DNAAF4: variants seen among roughly 807,000 people sequenced by gnomAD.
DNAAF4 encodes dynein axonemal assembly factor 4.
A neutral mutation model predicts 51.8 loss-of-function variants in DNAAF4; 43 were observed. The observed-to-expected ratio is 0.83, with a 90% CI of 0.65 to 1.07. The LOEUF (loss-of-function observed/expected upper bound fraction) is 1.07. Ranked by LOEUF, DNAAF4 falls within the 50% of genes least tolerant of loss-of-function variation. The probability of loss-of-function intolerance (pLI) is 0.00; values close to 1 mark genes in which losing one functional copy is unlikely to be tolerated. For missense variants in DNAAF4, 581 were observed against 493.0 expected (o/e 1.18, Z -1.69); for synonymous variants, 194 against 165.6 (o/e 1.17, Z -1.32).
chr15:55,497,707 C>T lies in DNAAF4; in HGVS notation c.271+5G>A, dbSNP rs1361745223. 4.4e-6 allele frequency: 7 copies of T among 1,598,826 alleles called. No homozygotes were observed. The highest frequency in any genetic ancestry group is 2.2e-5 in the East Asian group (1 of 44,738). The stretch of plus-strand genomic sequence containing the variant: ...CAGATGAACATCTTTTAATAAAGAA[C>T]TTACCACCCGTCACAGAAAGGGTCT... On this transcript the variant is annotated splice_donor_5th_base_variant and intron_variant, in intron 3 of 9. Transcript: ENST00000321149.
At chr15:55,465,371 T>A (rs2058153030) in intron 5 of DNAAF4, among the ~76,000 whole-genome samples, 1 of 141,096 alleles carries the variant, frequency 7.1e-6, no homozygotes, top group Non-Finnish European at 1.5e-5. Flanking sequence ...AATGAGAAGA[T>A]AAAGAAAATA....
intron 5 of DNAAF4, among the ~76,000 whole-genome samples, chr15:55,463,364 G>A (rs2058122916): frequency 6.6e-6 from 1 of 152,050 alleles, no homozygotes; most frequent in Non-Finnish European, 1.5e-5. Context: ...TGTTTCCCCT[G>A]AGAACTGGAA....
rs147358025 is a variant in DNAAF4 at position 55,436,084 on chromosome 15, G to A, written c.894-1026C>T. 4.9e-3 allele frequency among the ~76,000 whole-genome samples: 747 copies of A among 152,216 alleles called. 2 individuals carry two copies. Among genetic ancestry groups the A allele is most frequent in the Admixed American group, 7.3e-3 (112 of 15,278 alleles). On this transcript the variant is annotated intron_variant, in intron 7 of 9. Coordinates refer to ENST00000321149, the MANE Select transcript of DNAAF4 (RefSeq NM_130810.4). ...ATTACAGGCGTGAGCCATTGCGCCC[G>A]GCCCTATTTTTACTTTTTTGGGAAC... is the stretch of plus-strand genomic sequence containing the variant.
At chr15:55,456,223 C>G (rs2058018601) in intron 5 of DNAAF4, among the ~76,000 whole-genome samples, 1 of 151,786 alleles carries the variant, frequency 6.6e-6, no homozygotes, top group Non-Finnish European at 1.5e-5. Flanking sequence ...GCTGGGATTA[C>G]AGGCACCCAC....
At position 55,476,431 on chromosome 15, in the gene DNAAF4, C is replaced by T. The variant is rs570762817; in HGVS notation, c.406-9270G>A. ...ATGTACCACTGCACTCCAACCTGTA[C>T]AATAGAGTGAGACCTTATCTCTTAA... is the stretch of plus-strand genomic sequence containing the variant. On this transcript the variant is annotated intron_variant, in intron 4 of 9. Coordinates refer to ENST00000321149, the MANE Select transcript of DNAAF4 (RefSeq NM_130810.4). 2.6e-5 allele frequency among the ~76,000 whole-genome samples: 4 copies of T among 152,048 alleles called. No individual in the cohort carries two copies. In the South Asian group the frequency reaches 8.3e-4, roughly 32 times the overall value.
At chr15:55,457,470 A>T in intron 5 of DNAAF4, among the ~76,000 whole-genome samples, 1 of 151,866 alleles carries the variant, frequency 6.6e-6, no homozygotes, top group East Asian at 1.9e-4. Context: ...GGTTTTCTCT[A>T]CCTGCTCTAT....
intron 4 of DNAAF4, among the ~76,000 whole-genome samples, chr15:55,478,219 CA>C (rs762885521): frequency 6.6e-6 from 1 of 152,228 alleles, no homozygotes; most frequent in Non-Finnish European, 1.5e-5. Flanking sequence ...TCCACTAGGA[CA>C]ATGACTGTTA....
chr15:55,473,198 A>AAAAAAAATATATATATATAT (rs1209754897), intron 4 of DNAAF4, among the ~76,000 whole-genome samples: 2 of 75,750 alleles, frequency 2.6e-5, no homozygotes, highest in African/African-American at 1.1e-4. Context: ...AAAAAAAAAA[A>AAAAAAAATATATATATATAT]ATATATATAT....
intron 7 of DNAAF4, among the ~76,000 whole-genome samples, chr15:55,424,774 G>C (rs997365866): frequency 2.0e-5 from 3 of 151,948 alleles, no homozygotes; most frequent in African/African-American, 7.3e-5. Context: ...TGTTGGTCAG[G>C]CTGGTCTCCA....
chr15:55,488,159 C>G (rs1205294279), intron 4 of DNAAF4, among the ~76,000 whole-genome samples: 2 of 151,134 alleles, frequency 1.3e-5, no homozygotes, highest in East Asian at 1.9e-4. Context: ...AGCAAGAAGG[C>G]CCCAAAAACA....
intron 6 of DNAAF4, among the ~76,000 whole-genome samples, chr15:55,449,927 G>C (rs1010149931): frequency 6.6e-6 from 1 of 151,758 alleles, no homozygotes; most frequent in Non-Finnish European, 1.5e-5. Context: ...TTGAACTCCT[G>C]ACCTCAAGTG....
intron 4 of DNAAF4, among the ~76,000 whole-genome samples, chr15:55,471,650 A>G (rs1461302604): frequency 6.6e-6 from 1 of 151,246 alleles, no homozygotes; most frequent in Non-Finnish European, 1.5e-5. Flanking sequence ...AGTAGCTGGG[A>G]CTACAGGCAC....
At chr15:55,471,481 T>TA (rs2058254147) in intron 4 of DNAAF4, among the ~76,000 whole-genome samples, 1 of 152,104 alleles carries the variant, frequency 6.6e-6, no homozygotes, top group Admixed American at 6.6e-5. Flanking sequence ...ATATATTTTT[T>TA]ATGATGTCAT....
intron 5 of DNAAF4, among the ~76,000 whole-genome samples, chr15:55,451,670 G>A (rs987383544): frequency 2.6e-5 from 4 of 151,096 alleles, no homozygotes; most frequent in South Asian, 2.1e-4. Flanking sequence ...CTGGAGTGCA[G>A]TGATGCAATC....
intron 5 of DNAAF4, among the ~76,000 whole-genome samples, chr15:55,453,924 T>G (rs1214374880): frequency 6.6e-6 from 1 of 152,110 alleles, no homozygotes; most frequent in African/African-American, 2.4e-5. Context: ...AACATAAAAT[T>G]AGTCATGGTT....
chr15:55,495,329 A>T (rs2141597216), intron 3 of DNAAF4: 1 of 152,340 alleles, frequency 6.6e-6, no homozygotes, highest in East Asian at 1.9e-4. Flanking sequence ...CTTGGAAATT[A>T]AAAATTAAAT....
At chr15:55,495,721 G>T (rs1473660244) in intron 3 of DNAAF4, among the ~76,000 whole-genome samples, 2 of 152,070 alleles carry the variant, frequency 1.3e-5, no homozygotes, top group Non-Finnish European at 2.9e-5. Flanking sequence ...TGGTGATAGG[G>T]TGAGATTCTA....
chr15:55,444,499 T>G (rs1397450651), intron 6 of DNAAF4, among the ~76,000 whole-genome samples: 1 of 152,214 alleles, frequency 6.6e-6, no homozygotes, highest in Non-Finnish European at 1.5e-5. Context: ...CTTTGTTCTT[T>G]TGGCTTAGGA....
intron 5 of DNAAF4, among the ~76,000 whole-genome samples, chr15:55,451,656 G>A (rs950644082): frequency 1.3e-5 from 2 of 149,720 alleles, no homozygotes; most frequent in African/African-American, 2.4e-5. Context: ...TACCGTCACC[G>A]AGGCTGGAGT....
Sources: gnomAD v4.1 joint callset for allele counts (sites outside exome capture counted in the v4.1 genomes callset) on GRCh38, gnomAD v4.1.1 for gene constraint, MANE v1.5 for transcripts, NCBI Gene and HGNC (gene_info 2026-07-23, HGNC 2026-07-21) for gene names.